SDHB: variants seen among roughly 807,000 people sequenced by gnomAD.
SDHB encodes succinate dehydrogenase complex iron sulfur subunit B, also known as succinate dehydrogenase [ubiquinone] iron-sulfur subunit, mitochondrial.
Under a neutral mutation model 39.7 loss-of-function variants are expected in SDHB, and 21 were observed. The ratio of observed to expected loss-of-function variants is 0.53; its 90% CI spans 0.37 to 0.76. The LOEUF (loss-of-function observed/expected upper bound fraction) is 0.76, where lower values mean the gene tolerates loss of function less well. Among genes scored for constraint, SDHB ranks in the 30% least tolerant of loss-of-function variants. SDHB has a pLI of 0.00. For synonymous variants in SDHB, 118 were observed against 117.0 expected (o/e 1.01, Z -0.06); for missense variants, 343 against 350.9 (o/e 0.98, Z 0.18).
intron 5 of SDHB, 81 bp from the exon 6 acceptor site, chr1:17,024,155 G>C: frequency 1.0e-6 from 1 of 994,392 alleles, no homozygotes; most frequent in Admixed American, 1.9e-5. Flanking sequence ...TGTTACCTTT[G>C]GGGTCAGTGC....
intron 1 of SDHB, among the ~76,000 whole-genome samples, chr1:17,046,259 G>A (rs931440457): frequency 2.0e-5 from 3 of 152,118 alleles, no homozygotes; most frequent in Non-Finnish European, 4.4e-5. Context: ...AAACTGACAT[G>A]AACATCTAAT....
At chr1:17,023,577 C>T (rs1217932154) in intron 6 of SDHB, among the ~76,000 whole-genome samples, 2 of 152,210 alleles carry the variant, frequency 1.3e-5, no homozygotes, top group Non-Finnish European at 2.9e-5. Flanking sequence ...AGCTGGGAAA[C>T]AGCTTCCAAT....
At chr1:17,039,672 A>C (rs1325036654) in intron 2 of SDHB, among the ~76,000 whole-genome samples, 1 of 152,140 alleles carries the variant, frequency 6.6e-6, no homozygotes, top group African/African-American at 2.4e-5. Flanking sequence ...TTACATCTTT[A>C]ACTCTTTATA....
chr1:17,021,609 G>A (rs2077962433), intron 7 of SDHB, among the ~76,000 whole-genome samples: 1 of 152,112 alleles, frequency 6.6e-6, no homozygotes, highest in Admixed American at 6.5e-5. Context: ...CCAGGCATGA[G>A]TGGTGCCTGC....
Position 17,022,712 on chromosome 1 carries a change from C to A in SDHB, c.661G>T (p.Asp221Tyr). Residue 221 changes from aspartate to tyrosine, a missense_variant, in exon 7 of 8, where the codon GAC becomes TAC. Physicochemically the swap from Asp to Tyr is radical, Grantham distance 160 (BLOSUM62 -3). Transcript: ENST00000375499. ...TCCTCTGTGAAGTCATCTCTGGAGT[C>A]AATCATCCAGCGATAGGCCTGGAAA... ...VLMQAYRWMI[D>Y]SRDDFTEERL... is the part of the protein sequence containing the mutation. 1 of 1,613,812 alleles carries A rather than the reference C, an allele frequency of 6.2e-7. No homozygotes were observed. Among genetic ancestry groups the A allele is most frequent in the South Asian group, 1.1e-5 (1 of 91,040 alleles).
chr1:17,024,216 G>T (rs2077979969), intron 5 of SDHB, 142 bp from the exon 6 acceptor site: 2 of 699,168 alleles, frequency 2.9e-6, no homozygotes, highest in African/African-American at 1.8e-5. Flanking sequence ...AATCCAAGGG[G>T]TGATTTGCAG....
At chr1:17,045,766 CAG>C (rs1378782105) in intron 1 of SDHB, among the ~76,000 whole-genome samples, 1 of 152,108 alleles carries the variant, frequency 6.6e-6, no homozygotes, top group Non-Finnish European at 1.5e-5. Context: ...GGTTTAGAGA[CAG>C]GGAGTCTTCA....
chr1:17,021,642 G>C (rs188459659), intron 7 of SDHB, among the ~76,000 whole-genome samples: 3 of 152,042 alleles, frequency 2.0e-5, no homozygotes, highest in African/African-American at 4.8e-5. Flanking sequence ...CTACTCGGGA[G>C]GCGAATGCAG....
At chr1:17,050,102 ATC>A (rs1395244886) in intron 1 of SDHB, among the ~76,000 whole-genome samples, 1 of 152,150 alleles carries the variant, frequency 6.6e-6, no homozygotes, top group Non-Finnish European at 1.5e-5. Flanking sequence ...ACATTTAAAT[ATC>A]TGTTTCATAT....
chr1:17,044,423 C>G (rs964854003), intron 2 of SDHB, among the ~76,000 whole-genome samples: 7 of 151,256 alleles, frequency 4.6e-5, no homozygotes, highest in African/African-American at 1.7e-4. Context: ...CTCCTGGGTT[C>G]AAGCAATTTT....
intron 6 of SDHB, 86 bp downstream of exon 6, chr1:17,023,887 G>A: frequency 1.0e-6 from 1 of 992,750 alleles, no homozygotes; most frequent in Non-Finnish European, 1.6e-6. Flanking sequence ...CCCTCAGAAT[G>A]GCTGGCTTAC....
At chr1:17,046,622 T>C (rs1378256692) in intron 1 of SDHB, among the ~76,000 whole-genome samples, 1 of 152,218 alleles carries the variant, frequency 6.6e-6, no homozygotes, top group Non-Finnish European at 1.5e-5. Context: ...CGTAGTCTCA[T>C]GTCTAGCTTC....
At chr1:17,053,741 C>A (rs1246856345) in intron 1 of SDHB, among the ~76,000 whole-genome samples, 4 of 143,630 alleles carry the variant, frequency 2.8e-5, no homozygotes, top group Non-Finnish European at 6.1e-5. Flanking sequence ...ATTGCCCGTG[C>A]CCTAACTCAC....
chr1:17,019,627 C>T (rs1047174466), intron 7 of SDHB, among the ~76,000 whole-genome samples: 3 of 151,772 alleles, frequency 2.0e-5, no homozygotes, highest in Non-Finnish European at 2.9e-5. Flanking sequence ...ACTCATCTGA[C>T]GTTAGTGAAG....
At chr1:17,028,454 G>C (rs2078003484) in intron 4 of SDHB, 146 bp downstream of exon 4, 2 of 820,546 alleles carry the variant, frequency 2.4e-6, no homozygotes, top group East Asian at 2.7e-5. Context: ...CATAATATAG[G>C]AAACAGTCCC....
chr1:17,047,229 G>A (rs1013437358), intron 1 of SDHB, among the ~76,000 whole-genome samples: 4 of 151,812 alleles, frequency 2.6e-5, no homozygotes, highest in Non-Finnish European at 5.9e-5. Flanking sequence ...GGTGGCACAT[G>A]TCTGTAATCC....
At chr1:17,052,392 T>G (rs1050402803) in intron 1 of SDHB, 1 of 152,198 alleles carries the variant, frequency 6.6e-6, no homozygotes, top group Middle Eastern at 3.2e-3. Flanking sequence ...TACATGTACA[T>G]TCCCACAAGG....
chr1:17,037,028 G>A (rs904178059), intron 2 of SDHB, among the ~76,000 whole-genome samples: 12 of 151,868 alleles, frequency 7.9e-5, no homozygotes, highest in African/African-American at 2.9e-4. Context: ...ATGCTGTTGT[G>A]AAAATGAAAG....
At chr1:17,030,884 G>A (rs745611083) in intron 3 of SDHB, among the ~76,000 whole-genome samples, 6 of 151,630 alleles carry the variant, frequency 4.0e-5, no homozygotes, top group South Asian at 2.1e-4. Context: ...GTTTTACCAC[G>A]TTGGTCAGGC....
Sources: allele counts gnomAD v4.1 joint callset (sites outside exome capture counted in the v4.1 genomes callset), GRCh38; gene constraint gnomAD v4.1.1; transcripts MANE v1.5; gene names NCBI Gene and HGNC (gene_info 2026-07-23, HGNC 2026-07-21).